The following OSBPL10 variants were observed in gnomAD, a reference collection of about 807,000 sequenced individuals.
OSBPL10 encodes the protein oxysterol binding protein like 10.
A neutral mutation model predicts 81.7 loss-of-function variants in OSBPL10; 49 were observed. The ratio of observed to expected loss-of-function variants is 0.60; its 90% confidence interval spans 0.48 to 0.76. OSBPL10 has a LOEUF of 0.76. Ranked by LOEUF, OSBPL10 falls within the 30% of genes least tolerant of loss-of-function variation. The probability of loss-of-function intolerance (pLI) is 0.00; values close to 1 mark genes in which losing one functional copy is unlikely to be tolerated. For missense variants in OSBPL10, 923 were observed against 987.8 expected, an observed-to-expected ratio of 0.93 and a Z score of 0.88; for synonymous variants, 419 against 383.6, an observed-to-expected ratio of 1.09 and a Z score of -1.08.
At chr3:31,992,477 A>G (rs965281660) in intron 2 of OSBPL10, among the ~76,000 whole-genome samples, 4 of 152,108 alleles carry the variant, frequency 2.6e-5, no homozygotes, top group Admixed American at 2.6e-4. Context: ...GGGAGAATCT[A>G]TTACTTGCCT....
At chr3:31,972,180 G>C (rs1559538057) in intron 1 of OSBPL10, among the ~76,000 whole-genome samples, 2 of 152,206 alleles carry the variant, frequency 1.3e-5, no homozygotes, top group Admixed American at 1.3e-4. Context: ...CCTGAGGTCA[G>C]GAGATCAAGA....
At chr3:31,755,834 C>A (rs747907559) in intron 4 of OSBPL10, among the ~76,000 whole-genome samples, 4 of 152,120 alleles carry the variant, frequency 2.6e-5, no homozygotes, top group Non-Finnish European at 5.9e-5. Flanking sequence ...CTGAATTGCA[C>A]CTACACACTC....
intron 1 of OSBPL10, among the ~76,000 whole-genome samples, chr3:31,901,420 T>C (rs1005689839): frequency 5.9e-5 from 9 of 152,180 alleles, no homozygotes; most frequent in African/African-American, 2.2e-4. Flanking sequence ...GCCCCCACTT[T>C]CCTGCCTCAG....
chr3:32,049,569 A>T (rs1699653584), intron 1 of OSBPL10, among the ~76,000 whole-genome samples: 1 of 152,098 alleles, frequency 6.6e-6, no homozygotes, highest in Non-Finnish European at 1.5e-5. Flanking sequence ...GAAGATTAGA[A>T]TCCTTCCTAA....
At chr3:31,928,138 C>A (rs1388289831) in intron 1 of OSBPL10, among the ~76,000 whole-genome samples, 1 of 152,080 alleles carries the variant, frequency 6.6e-6, no homozygotes, top group Non-Finnish European at 1.5e-5. Context: ...AGGACAAATA[C>A]CTTTAAGAAA....
intron 2 of OSBPL10, among the ~76,000 whole-genome samples, chr3:32,026,100 A>AGAT (rs1296427682): frequency 2.7e-5 from 4 of 146,976 alleles, no homozygotes; most frequent in Non-Finnish European, 4.5e-5. Context: ...GATGATAGAT[A>AGAT]GATAGAGATA....
chr3:31,673,820 G>T (rs1437835322), intron 8 of OSBPL10, among the ~76,000 whole-genome samples: 1 of 151,982 alleles, frequency 6.6e-6, no homozygotes, highest in Non-Finnish European at 1.5e-5. Context: ...TGGAGACAGG[G>T]TCCCACTCAG....
chr3:32,026,504 C>A (rs1473127766), intron 2 of OSBPL10, among the ~76,000 whole-genome samples: 1 of 152,106 alleles, frequency 6.6e-6, no homozygotes, highest in Non-Finnish European at 1.5e-5. Context: ...AACTTACAAT[C>A]CAGATTGATA....
chr3:31,709,473 G>T (rs183867294), intron 6 of OSBPL10: 2 of 152,102 alleles, frequency 1.3e-5, no homozygotes. Context: ...TTCAACAGGC[G>T]TTCCTTTAAA....
chr3:31,965,327 A>T (rs956362609), intron 1 of OSBPL10, among the ~76,000 whole-genome samples: 1 of 143,612 alleles, frequency 7.0e-6, no homozygotes, highest in South Asian at 2.2e-4. Flanking sequence ...CTGAGATCGC[A>T]CTACTGCACT....
intron 1 of OSBPL10, among the ~76,000 whole-genome samples, chr3:31,924,409 G>C (rs965299585): frequency 6.6e-6 from 1 of 152,054 alleles, no homozygotes; most frequent in Non-Finnish European, 1.5e-5. Context: ...CACCTTCCTT[G>C]TGAGGTATCA....
chr3:31,837,591 G>A (rs1355801331), intron 3 of OSBPL10, among the ~76,000 whole-genome samples: 4 of 149,350 alleles, frequency 2.7e-5, no homozygotes, highest in African/African-American at 4.9e-5. Flanking sequence ...TTTCCTGGAA[G>A]CACTAGCCAA....
At chr3:31,731,676 A>G (rs927872467) in intron 6 of OSBPL10, among the ~76,000 whole-genome samples, 6 of 151,954 alleles carry the variant, frequency 3.9e-5, no homozygotes, top group African/African-American at 1.2e-4. Context: ...TTTAGTAGAG[A>G]TGGGGTTTCA....
At chr3:31,769,951 T>C (rs1698326901) in intron 4 of OSBPL10, among the ~76,000 whole-genome samples, 1 of 152,198 alleles carries the variant, frequency 6.6e-6, no homozygotes, top group African/African-American at 2.4e-5. Flanking sequence ...AATGGGTTTT[T>C]CAAGGGGTTT....
intron 4 of OSBPL10, among the ~76,000 whole-genome samples, chr3:31,810,447 A>T (rs1297573727): frequency 7.8e-6 from 1 of 127,706 alleles, no homozygotes; most frequent in African/African-American, 3.4e-5. Flanking sequence ...AATGACACAG[A>T]ACTCCAAATC....
intron 1 of OSBPL10, among the ~76,000 whole-genome samples, chr3:31,893,429 G>C (rs1383788363): frequency 6.6e-6 from 1 of 152,108 alleles, no homozygotes; most frequent in African/African-American, 2.4e-5. Flanking sequence ...GTAAGGATAT[G>C]GAGAAACTGG....
intron 3 of OSBPL10, among the ~76,000 whole-genome samples, chr3:31,833,745 T>C (rs1264636193): frequency 1.4e-5 from 2 of 146,348 alleles, no homozygotes; most frequent in African/African-American, 2.5e-5. Flanking sequence ...ACACTCTCTC[T>C]CTCTTCTAAT....
chr3:32,065,944 G>GAAAAAGAAAGA (rs1553652501), intron 1 of OSBPL10, among the ~76,000 whole-genome samples: 1 of 35,860 alleles, frequency 2.8e-5, no homozygotes, highest in Non-Finnish European at 7.8e-5. Context: ...AAAGAAGAAA[G>GAAAAAGAAAGA]AAGAAAGAAA....
chr3:31,706,236 A>G (rs1185068664), intron 6 of OSBPL10, among the ~76,000 whole-genome samples: 1 of 152,210 alleles, frequency 6.6e-6, no homozygotes, highest in African/African-American at 2.4e-5. Flanking sequence ...GGTGACCCAC[A>G]GTGACCTGTG....
Sources: gnomAD v4.1 joint callset for allele counts (sites outside exome capture counted in the v4.1 genomes callset) on GRCh38, gnomAD v4.1.1 for gene constraint, MANE v1.5 for transcripts, NCBI Gene and HGNC (gene_info 2026-07-23, HGNC 2026-07-21) for gene names.